The following ERFL variants were observed in gnomAD, a reference collection of about 807,000 sequenced individuals.
ERFL encodes ETS domain-containing transcription factor ERF-like.
A neutral mutation model predicts 27.9 loss-of-function variants in ERFL; 8 were observed. The observed-to-expected ratio is 0.29, with a 90% CI of 0.17 to 0.52. The LOEUF (loss-of-function observed/expected upper bound fraction) is 0.52, where lower values mean the gene tolerates loss of function less well. Ranked by LOEUF, ERFL falls within the 20% of genes least tolerant of loss-of-function variation. The pLI, the probability that ERFL is intolerant of heterozygous loss-of-function variation, is 0.97. For missense variants in ERFL, 294 were observed against 444.4 expected, an observed-to-expected ratio of 0.66 and a Z score of 3.04; for synonymous variants, 174 against 202.8, an observed-to-expected ratio of 0.86 and a Z score of 1.21.
chr19:41,918,956 A>T (rs2074820962), intron 1 of ERFL, among the ~76,000 whole-genome samples: 1 of 149,312 alleles, frequency 6.7e-6, no homozygotes. Context: ...CCATACACAC[A>T]TGCACACCAC....
At position 41,917,358 on chromosome 19, in the gene ERFL, C is replaced by T. The variant is rs1753186609; in HGVS notation, c.-13-4426G>A. On this transcript the variant is annotated intron_variant, in intron 1 of 5. Coordinates refer to ENST00000597630, the MANE Select transcript of ERFL (RefSeq NM_001365103.2). This position sits in a 1 kb window ranked among gnomAD's most constrained non-coding sequence, Gnocchi z 4.8. ...TCTGTCTCCTAACGCCCCATCACCACGCCCCCCTGGGCTGGGGTTTAACCA... is the reference window on the plus strand; with the variant it reads ...TCTGTCTCCTAACGCCCCATCACCATGCCCCCCTGGGCTGGGGTTTAACCA... 1.3e-5 allele frequency among the ~76,000 whole-genome samples: 2 copies of T among 152,112 alleles called. No homozygotes were observed. The highest frequency in any genetic ancestry group is 6.5e-5 in the Admixed American group (1 of 15,282).
chr19:41,926,671 G>T (rs1170318884), intron 1 of ERFL, among the ~76,000 whole-genome samples: 8 of 152,132 alleles, frequency 5.3e-5, no homozygotes, highest in Non-Finnish European at 1.2e-4. Context: ...CCCTGAGGCT[G>T]CTTGGCGATG....
chr19:41,920,358 C>T (rs73550656), intron 1 of ERFL, among the ~76,000 whole-genome samples: 31,475 of 139,086 alleles, frequency 0.23, 7,279 homozygotes, highest in African/African-American at 0.61. Context: ...TCAGACGTGA[C>T]GCACAGACAT....
Position 41,909,115 on chromosome 19 carries a change from G to T in ERFL, c.561C>A (p.Phe187Leu). Residue 187 changes from phenylalanine (F) to leucine (L), a missense_variant, in exon 5 of 6, where the codon TTC becomes TTA. Physicochemically the swap from Phe to Leu is conservative, Grantham distance 22. Coordinates refer to ENST00000597630, the MANE Select transcript of ERFL (RefSeq NM_001365103.2). The surrounding 1 kb of genome is among the most constrained non-coding windows in gnomAD (Gnocchi z 5.2). Reference protein sequence around the residue: ...LGEPGARTPLFTSETDKLRLD... With the variant: ...LGEPGARTPLLTSETDKLRLD... ...GACGCAATTTATCTGTCTCGGAGGT[G>T]AACAGGGGTGTCCGGGCCCCTGGCT... 8.1e-7 allele frequency: 1 copy of T among 1,231,954 alleles called. No individual in the cohort carries two copies. Among genetic ancestry groups the T allele is most frequent in the South Asian group, 4.1e-5 (1 of 24,316 alleles). 76.3% of individuals were successfully genotyped at this position (1,231,954 alleles called of 1,614,324 possible). A position where few individuals can be genotyped will look rare whatever the true frequency, so the allele number is the denominator to read the frequency against.
rs563012068 is a variant in ERFL, at chr19:41,916,899, G to T, written c.-13-3967C>A. 3.9e-5 allele frequency among the ~76,000 whole-genome samples: 6 copies of T among 152,136 alleles called. No individual in the cohort carries two copies. In the East Asian group the frequency reaches 1.2e-3, roughly 29 times the overall value. ...ACACCCAGACACACTGGGTAGGGGTGGGCACTCAGAGATGACCCCAACCCA... is the reference window on the plus strand; with the variant it reads ...ACACCCAGACACACTGGGTAGGGGTTGGCACTCAGAGATGACCCCAACCCA... On this transcript the variant is annotated intron_variant, in intron 1 of 5. Coordinates refer to ENST00000597630, the MANE Select transcript of ERFL (RefSeq NM_001365103.2). The surrounding 1 kb of genome is among the most constrained non-coding windows in gnomAD (Gnocchi z 5.4).
In ERFL at chr19:41,916,039, A is replaced by G. The variant is rs2074799456; in HGVS notation, c.-13-3107T>C. The stretch of plus-strand genomic sequence containing the variant: ...CACCCCCCCTTCGCCCCCCATCTCT[A>G]CCGCCCGCAGCCATGGCACCGAATG... On this transcript the variant is annotated intron_variant, in intron 1 of 5. Coordinates refer to ENST00000597630, the MANE Select transcript of ERFL (RefSeq NM_001365103.2). This position sits in a 1 kb window ranked among gnomAD's most constrained non-coding sequence, Gnocchi z 5.4. 2.1e-5 allele frequency among the ~76,000 whole-genome samples: 3 copies of G among 141,912 alleles called. No homozygotes were observed. Among genetic ancestry groups the G allele is most frequent in the South Asian group, 2.3e-4 (1 of 4,406 alleles). The allele number at this position is 141,912 out of a possible 152,430, so 93.1% of individuals were successfully genotyped here.
At chr19:41,914,580 T>C (rs1555851586) in intron 1 of ERFL, among the ~76,000 whole-genome samples, 1 of 30,476 alleles carries the variant, frequency 3.3e-5, no homozygotes, top group Non-Finnish European at 6.5e-5. Context: ...TCTCCGTCTC[T>C]CCCTCCCTTT....
chr19:41,920,283 ACGCTCACAGACATG>A (rs1372186985), intron 1 of ERFL, among the ~76,000 whole-genome samples: 7 of 128,722 alleles, frequency 5.4e-5, no homozygotes, highest in Non-Finnish European at 9.8e-5. Context: ...AGACATGATA[ACGCTCACAGACATG>A]CGCTCACAGA....
chr19:41,914,569 G>GCTA (rs1418050068), intron 1 of ERFL, among the ~76,000 whole-genome samples: 1 of 23,916 alleles, frequency 4.2e-5, no homozygotes, highest in Non-Finnish European at 8.4e-5. Flanking sequence ...CACCATCTCT[G>GCTA]TCTCCGTCTC....
At chr19:41,924,089 T>C in intron 1 of ERFL, among the ~76,000 whole-genome samples, 1 of 150,524 alleles carries the variant, frequency 6.6e-6, no homozygotes, top group Non-Finnish European at 1.5e-5. Context: ...GCATGTGGAA[T>C]GACAGCCTTA....
At position 41,909,592 on chromosome 19, in the gene ERFL, G is replaced by A. The variant is rs1295629225; in HGVS notation, c.303-121C>T. The A allele has an allele frequency of 3.5e-6, 3 of 867,356 alleles. No individual in the cohort carries two copies. The African/African-American group carries it at 5.2e-5, about 15-fold the overall frequency. 53.7% of individuals were successfully genotyped at this position (867,356 alleles called of 1,614,324 possible). A position where few individuals can be genotyped will look rare whatever the true frequency, so the allele number is the denominator to read the frequency against. ...CAGAGCACTAGAACTTGGGGAAACT[G>A]AGGCTCACAGAAGTCCCTTAATAGG... On this transcript the variant is annotated intron_variant, in intron 3 of 5. Coordinates refer to ENST00000597630, the MANE Select transcript of ERFL (RefSeq NM_001365103.2). The surrounding 1 kb of genome is among the most constrained non-coding windows in gnomAD (Gnocchi z 5.2).
At chr19:41,912,231 T>C (rs1555851327) in intron 2 of ERFL, among the ~76,000 whole-genome samples, 1 of 152,090 alleles carries the variant, frequency 6.6e-6, no homozygotes, top group Non-Finnish European at 1.5e-5. Flanking sequence ...GTGTGACCCC[T>C]TCTAGAAACA....
At position 41,921,288 on chromosome 19, in the gene ERFL, A is replaced by G. The variant is rs2074840900; in HGVS notation, c.-14+6752T>C. On this transcript the variant is annotated intron_variant, in intron 1 of 5. Transcript: ENST00000597630. The surrounding 1 kb of genome is among the most constrained non-coding windows in gnomAD (Gnocchi z 4.4). Reference sequence around the variant, plus strand: ...AGAGAAGGGGAGACATGCAGGGAGGAAGAGAGACCGAGGGGGTGGAGCGTG... The same window carrying G: ...AGAGAAGGGGAGACATGCAGGGAGGGAGAGAGACCGAGGGGGTGGAGCGTG... Among the ~76,000 whole-genome samples the G allele has an allele frequency of 6.6e-6, 1 of 152,006 alleles. No individual in the cohort carries two copies. Among genetic ancestry groups the G allele is most frequent in the South Asian group, 2.1e-4 (1 of 4,810 alleles).
At chr19:41,926,745 C>T (rs561602130) in intron 1 of ERFL, among the ~76,000 whole-genome samples, 1 of 152,126 alleles carries the variant, frequency 6.6e-6, no homozygotes, top group Non-Finnish European at 1.5e-5. Flanking sequence ...GCCGTTTAGC[C>T]GTGATAGATC....
chr19:41,914,962 G>GTT lies in ERFL; in HGVS notation c.-13-2031_-13-2030insAA, dbSNP rs1217927891. Among the ~76,000 whole-genome samples, 11 of 76,266 alleles carry GTT rather than the reference G, an allele frequency of 1.4e-4. 1 individual carries two copies. In the African/African-American group the frequency reaches 1.8e-3, roughly 12 times the overall value. 50.0% of individuals were successfully genotyped at this position (76,266 alleles called of 152,430 possible). On this transcript the variant is annotated intron_variant, in intron 1 of 5. Coordinates refer to ENST00000597630, the MANE Select transcript of ERFL (RefSeq NM_001365103.2). ...CTCTCCCTCCTCTTCCACTATCTCT[G>GTT]TCTCTCCCTCCCTCCCCCTCCAGCA...
At chr19:41,919,586 C>T (rs1196233698) in intron 1 of ERFL, among the ~76,000 whole-genome samples, 2 of 152,106 alleles carry the variant, frequency 1.3e-5, no homozygotes, top group Non-Finnish European at 2.9e-5. Context: ...CTCAGAGACA[C>T]AACAGCAACC....
intron 2 of ERFL, among the ~76,000 whole-genome samples, chr19:41,911,559 T>G (rs2074751537): frequency 6.6e-6 from 1 of 151,970 alleles, no homozygotes; most frequent in South Asian, 2.1e-4. Flanking sequence ...TGGGTGCTTG[T>G]GCCTCCCGGC....
intron 1 of ERFL, among the ~76,000 whole-genome samples, chr19:41,918,475 G>A (rs1347403131): frequency 2.9e-5 from 3 of 103,498 alleles, no homozygotes; most frequent in South Asian, 3.4e-4. Context: ...CACCACACAC[G>A]CACCACGCAC....
Position 41,912,854 on chromosome 19 carries a change from G to A in ERFL, c.66C>T (p.Pro22=), listed in dbSNP as rs901548125. The change falls in exon 2 of 6, where the codon CCC becomes CCT. Residue 22 remains proline, a splice_region_variant and synonymous_variant. Transcript: ENST00000597630. ...APPALPALWT[P]GFAFPDWAYK... ...GTGGGGGAGGTCCGGGCCAGTTACCGGGGGTCCAGAGAGCCGGCAGGGCGG... is the reference window on the plus strand; with the variant it reads ...GTGGGGGAGGTCCGGGCCAGTTACCAGGGGTCCAGAGAGCCGGCAGGGCGG... 46 of 1,220,210 alleles carry A rather than the reference G, an allele frequency of 3.8e-5. No homozygotes were observed. The African/African-American group carries it at 5.3e-4, about 14-fold the overall frequency. 75.6% of individuals were successfully genotyped at this position (1,220,210 alleles called of 1,614,324 possible).
Sources: allele counts gnomAD v4.1 joint callset (sites outside exome capture counted in the v4.1 genomes callset), GRCh38; gene constraint gnomAD v4.1.1; non-coding constraint Gnocchi (gnomAD v3.1); transcripts MANE v1.5; gene names NCBI Gene and HGNC (gene_info 2026-07-23, HGNC 2026-07-21).